The following POC1B variants were observed in gnomAD, a reference collection of about 807,000 sequenced individuals.
The protein encoded by POC1B is POC1 centriolar protein B.
A neutral mutation model predicts 60.6 loss-of-function variants in POC1B; 44 were observed. The observed-to-expected ratio is 0.73, with a 90% CI of 0.57 to 0.93. The LOEUF (loss-of-function observed/expected upper bound fraction) is 0.93, where lower values mean the gene tolerates loss of function less well. Ranked by LOEUF, POC1B falls within the 40% of genes least tolerant of loss-of-function variation. The pLI, the probability that POC1B is intolerant of heterozygous loss-of-function variation, is 0.00. For synonymous variants in POC1B, 180 were observed against 198.9 expected, an observed-to-expected ratio of 0.90 and a Z score of 0.80; for missense variants, 555 against 572.3, an observed-to-expected ratio of 0.97 and a Z score of 0.31.
chr12:89,451,677 G>GTT (rs1271858621), intron 10 of POC1B, among the ~76,000 whole-genome samples: 1 of 152,174 alleles, frequency 6.6e-6, no homozygotes, highest in African/African-American at 2.4e-5. Context: ...CTAATAATAT[G>GTT]TTTTACATAG....
intron 3 of POC1B, among the ~76,000 whole-genome samples, chr12:89,496,516 T>C (rs1869253304): frequency 6.6e-6 from 1 of 152,218 alleles, no homozygotes; most frequent in African/African-American, 2.4e-5. Context: ...AGTGATGCTA[T>C]TCATTCTATT....
At chr12:89,448,724 G>A (rs1366167939) in intron 10 of POC1B, among the ~76,000 whole-genome samples, 1 of 152,168 alleles carries the variant, frequency 6.6e-6, no homozygotes, top group Non-Finnish European at 1.5e-5. Context: ...ATGCCATATG[G>A]CACACCTTCT....
chr12:89,406,284 T>C, the POC1B span, among the ~76,000 whole-genome samples: 5 of 152,318 alleles, frequency 3.3e-5, no homozygotes, highest in East Asian at 7.7e-4. Context: ...AGTTAATACA[T>C]ACTTTTTAGA....
intron 10 of POC1B, among the ~76,000 whole-genome samples, chr12:89,456,407 A>G (rs772670190): frequency 1.3e-5 from 2 of 152,212 alleles, no homozygotes. Context: ...CATCCCGTGT[A>G]GCCACACCAC....
chr12:89,469,933 T>C (rs1362181744), intron 7 of POC1B, among the ~76,000 whole-genome samples: 1 of 151,974 alleles, frequency 6.6e-6, no homozygotes, highest in Non-Finnish European at 1.5e-5. Context: ...AGTGGTGCAA[T>C]CTCAGCTCAC....
chr12:89,496,220 C>T (rs912473891), intron 3 of POC1B, among the ~76,000 whole-genome samples: 2 of 152,100 alleles, frequency 1.3e-5, no homozygotes, highest in African/African-American at 4.8e-5. Flanking sequence ...AGATCCCTCG[C>T]ATGCACAGTT....
intron 4 of POC1B, among the ~76,000 whole-genome samples, chr12:89,475,582 T>C (rs2135722264): frequency 6.6e-6 from 1 of 152,320 alleles, no homozygotes; most frequent in African/African-American, 2.4e-5. Flanking sequence ...AACAGGCTTC[T>C]CTTTGCCTTG....
At chr12:89,472,818 A>G (rs761923749) in intron 4 of POC1B, 1 of 152,914 alleles carries the variant, frequency 6.5e-6, no homozygotes, top group Non-Finnish European at 1.5e-5. Context: ...GAGAGCTCCA[A>G]TGGACTGAAA....
At position 89,504,914 on chromosome 12, in the gene POC1B, G is replaced by T. The variant is rs150899615; in HGVS notation, c.101-7572C>A. On this transcript the variant is annotated intron_variant, in intron 2 of 11. Coordinates refer to ENST00000313546, the MANE Select transcript of POC1B (RefSeq NM_172240.3). ...GAGGCCAGGAGTTTGAGACCAACTT[G>T]GGCAACATAATGAGACTCCATCTCT... Among the ~76,000 whole-genome samples the T allele has an allele frequency of 3.2e-3, 486 of 152,028 alleles. 3 individuals carry two copies. Among genetic ancestry groups the T allele is most frequent in the African/African-American group, 0.011 (475 of 41,436 alleles).
chr12:89,500,214 G>C, intron 2 of POC1B: 1 of 1,594,346 alleles, frequency 6.3e-7, no homozygotes, highest in Non-Finnish European at 8.6e-7. Flanking sequence ...TTACAAGACT[G>C]TTTTGAAGAA....
chr12:89,454,646 C>A (rs1882181129), intron 10 of POC1B, among the ~76,000 whole-genome samples: 1 of 152,188 alleles, frequency 6.6e-6, no homozygotes, highest in Non-Finnish European at 1.5e-5. Flanking sequence ...AAATGCCACC[C>A]CTGTCACGTG....
chr12:89,447,987 AAG>A (rs373564620), intron 10 of POC1B, among the ~76,000 whole-genome samples: 198 of 149,512 alleles, frequency 1.3e-3, no homozygotes, highest in African/African-American at 3.8e-3. Context: ...GAGGAACACT[AAG>A]AGAGAGAGAG....
intron 3 of POC1B, among the ~76,000 whole-genome samples, chr12:89,492,573 G>A (rs1047949730): frequency 3.9e-5 from 6 of 152,208 alleles, no homozygotes; most frequent in African/African-American, 1.4e-4. Context: ...GGGGAAAATT[G>A]TCATAAATGC....
rs1868968335 is a variant in POC1B, at chr12:89,491,517, C to CAGGG, written c.452+418_452+419insCCCT. On this transcript the variant is annotated intron_variant, in intron 4 of 11. Transcript: ENST00000313546. ...GTGCATGCCTGTAGTCCCAGCTACT[C>CAGGG]AGAGTCTGAGGTAGGAGAATCACCT... 2.0e-5 allele frequency among the ~76,000 whole-genome samples: 3 copies of CAGGG among 149,138 alleles called. No homozygotes were observed. The South Asian group carries it at 6.3e-4, about 32-fold the overall frequency.
chr12:89,524,946 T>C, intron 2 of POC1B, 174 bp downstream of exon 2: 1 of 1,020,434 alleles, frequency 9.8e-7, no homozygotes, highest in South Asian at 1.6e-5. Context: ...GGGGCCGGGA[T>C]GGCAGAGGGG....
At chr12:89,509,893 T>C (rs1465259020) in intron 2 of POC1B, among the ~76,000 whole-genome samples, 1 of 152,248 alleles carries the variant, frequency 6.6e-6, no homozygotes, top group Non-Finnish European at 1.5e-5. Flanking sequence ...TTGCCCAGGC[T>C]GGAGTGCCGT....
intron 10 of POC1B, among the ~76,000 whole-genome samples, chr12:89,436,569 C>T (rs369098200): frequency 3.3e-5 from 5 of 152,202 alleles, no homozygotes; most frequent in African/African-American, 7.2e-5. Flanking sequence ...CAAAAATTAG[C>T]TGGGCTTGGT....
At chr12:89,511,345 G>T (rs984357595) in intron 2 of POC1B, among the ~76,000 whole-genome samples, 2 of 151,638 alleles carry the variant, frequency 1.3e-5, no homozygotes, top group Admixed American at 6.6e-5. Flanking sequence ...GACTCCGGGA[G>T]GCAGAAGTTG....
In POC1B at chr12:89,422,094, C is replaced by T. The variant is rs116427241; in HGVS notation, c.1333-837G>A. On this transcript the variant is annotated intron_variant, in intron 11 of 11. Transcript: ENST00000313546. ...ATGAAACATAGATTATTCAGGAACCCACACAAGGTACATGTGTTATTTAAT... is the reference window on the plus strand; with the variant it reads ...ATGAAACATAGATTATTCAGGAACCTACACAAGGTACATGTGTTATTTAAT... 6.5e-3 allele frequency among the ~76,000 whole-genome samples: 986 copies of T among 151,770 alleles called. 11 individuals are homozygous for T. The highest frequency in any genetic ancestry group is 0.023 in the African/African-American group (946 of 41,370).
Sources: allele counts gnomAD v4.1 joint callset (sites outside exome capture counted in the v4.1 genomes callset), GRCh38; gene constraint gnomAD v4.1.1; transcripts MANE v1.5; gene names NCBI Gene and HGNC (gene_info 2026-07-23, HGNC 2026-07-21).